Variants in STARD4 observed in about 807,000 individuals in gnomAD.
The protein encoded by STARD4 is StAR related lipid transfer domain containing 4, also known as stAR-related lipid transfer protein 4.
STARD4 carries 33 observed loss-of-function variants against 24.9 expected under a neutral mutation model. The ratio of observed to expected loss-of-function variants is 1.32; its 90% CI spans 1.00 to 1.77. STARD4 has a LOEUF of 1.77. Among genes scored for constraint, STARD4 ranks in the 40% most tolerant of loss-of-function variants. The pLI, the probability that STARD4 is intolerant of heterozygous loss-of-function variation, is 0.00. For synonymous variants in STARD4, 88 were observed against 77.4 expected (o/e 1.14, Z -0.72); for missense variants, 238 against 249.3 (o/e 0.95, Z 0.31).
intron 1 of STARD4, among the ~76,000 whole-genome samples, chr5:111,511,333 A>G (rs152877): frequency 0.16 from 24,488 of 152,190 alleles, 2,041 homozygotes; most frequent in African/African-American, 0.18. Context: ...AAAAAATAAC[A>G]ATAACATTTA....
chr5:111,500,282 C>A, intron 5 of STARD4, 176 bp from the exon 6 acceptor site: 2 of 1,340,726 alleles, frequency 1.5e-6, no homozygotes, highest in Non-Finnish European at 1.9e-6. Flanking sequence ...AGAATTCTGA[C>A]AAGAGGTTGG....
chr5:111,500,111 A>C lies in STARD4; in HGVS notation c.398-5T>G. ...CATCCCAGTCAAGACTTATTCCTAT[A>C]AGGCAATTTTTAAAATAGCACTATT... On this transcript the variant is annotated splice_region_variant and splice_polypyrimidine_tract_variant and intron_variant, in intron 5 of 5. Coordinates refer to ENST00000296632, the MANE Select transcript of STARD4 (RefSeq NM_139164.3). 6.3e-7 allele frequency: 1 copy of C among 1,587,622 alleles called. No individual in the cohort carries two copies.
At chr5:111,504,783 C>G (rs749370009) in intron 3 of STARD4, among the ~76,000 whole-genome samples, 38 of 152,148 alleles carry the variant, frequency 2.5e-4, no homozygotes, top group Non-Finnish European at 1.0e-4. Flanking sequence ...GGCTCTTCTT[C>G]TTCTCTTAAC....
chr5:111,501,864 T>C (rs1327025025), intron 4 of STARD4, 98 bp downstream of exon 4: 7 of 1,486,740 alleles, frequency 4.7e-6, no homozygotes, highest in African/African-American at 4.2e-5. Flanking sequence ...GCAATGAATA[T>C]AAGTGTGTAC....
chr5:111,507,422 C>G lies in STARD4; in HGVS notation c.12G>C (p.Leu4=). The part of the protein sequence containing the change: MEG[L]SDVASFATKL... ...TAGTTGCAAAAGAAGCAACATCAGA[C>G]AGGCCTTCCATTACTTCTCTCTGTT... is the stretch of plus-strand genomic sequence containing the variant. The change falls in exon 2 of 6, where the codon CTG becomes CTC. Residue 4 remains leucine (L), a synonymous_variant. Coordinates refer to ENST00000296632, the MANE Select transcript of STARD4 (RefSeq NM_139164.3). This position sits in a 1 kb window ranked among gnomAD's most constrained non-coding sequence, Gnocchi z 4.4. 6.2e-7 allele frequency: 1 copy of G among 1,613,390 alleles called. No homozygotes were observed. Among genetic ancestry groups the G allele is most frequent in the Admixed American group, 1.7e-5 (1 of 59,968 alleles).
chr5:111,509,541 C>T (rs1392237443), intron 1 of STARD4, among the ~76,000 whole-genome samples: 2 of 152,178 alleles, frequency 1.3e-5, no homozygotes, highest in East Asian at 3.9e-4. Flanking sequence ...ACTTATCTTT[C>T]CTGGATTCCC....
rs1756942364 is a variant in STARD4 at position 111,507,374 on chromosome 5, C to G, written c.60G>C (p.Gln20His). Reference sequence around the variant, plus strand: ...ACTTATCTTCTTCAATGCTATGGTACTGGATGAGAGTGTTTTTAAGTTTAG... The same window carrying G: ...ACTTATCTTCTTCAATGCTATGGTAGTGGATGAGAGTGTTTTTAAGTTTAG... ...FATKLKNTLI[Q>H]YHSIEEDKWR... Residue 20 changes from glutamine to histidine, a missense_variant, in exon 2 of 6, where the codon CAG becomes CAC. Coordinates refer to ENST00000296632, the MANE Select transcript of STARD4 (RefSeq NM_139164.3). This position sits in a 1 kb window ranked among gnomAD's most constrained non-coding sequence, Gnocchi z 4.4. The G allele has an allele frequency of 6.2e-7, 1 of 1,613,622 alleles. No individual in the cohort carries two copies. The highest frequency in any genetic ancestry group is 8.5e-7 in the Non-Finnish European group (1 of 1,179,808).
intron 1 of STARD4, among the ~76,000 whole-genome samples, chr5:111,509,638 T>G (rs1757103082): frequency 6.6e-6 from 1 of 152,150 alleles, no homozygotes; most frequent in South Asian, 2.1e-4. Flanking sequence ...CCCGTTTAAC[T>G]GTAAAATCTT....
intron 1 of STARD4, among the ~76,000 whole-genome samples, chr5:111,511,961 G>A (rs1038761399): frequency 3.9e-5 from 6 of 152,148 alleles, no homozygotes; most frequent in African/African-American, 1.4e-4. Flanking sequence ...GGTGGGACGC[G>A]GCTGCCCCTG....
chr5:111,510,031 T>C (rs1313763048), intron 1 of STARD4, among the ~76,000 whole-genome samples: 1 of 152,150 alleles, frequency 6.6e-6, no homozygotes, highest in East Asian at 1.9e-4. Flanking sequence ...ATTCTATTAA[T>C]AGCCTTTTTA....
chr5:111,500,770 C>A, intron 5 of STARD4: 2 of 1,432,402 alleles, frequency 1.4e-6, no homozygotes, highest in Non-Finnish European at 1.8e-6. Context: ...TCCACATTTG[C>A]TACCTCTGAC....
rs1014049014 is a variant in STARD4, at chr5:111,500,689, A to T, written c.397+313T>A. The stretch of plus-strand genomic sequence containing the variant: ...TAGTACTTCTCTGTGTATGACCAAG[A>T]AACTGTTTTCTGAGAGTGGCTTAGA... On this transcript the variant is annotated intron_variant, in intron 5 of 5. Coordinates refer to ENST00000296632, the MANE Select transcript of STARD4 (RefSeq NM_139164.3). The T allele has an allele frequency of 2.2e-6, 3 of 1,355,440 alleles. No homozygotes were observed. The African/African-American group carries it at 4.5e-5, about 20-fold the overall frequency. The allele number at this position is 1,355,440 out of a possible 1,614,324, so 84.0% of individuals were successfully genotyped here.
At chr5:111,506,885 A>T (rs1756901100) in intron 2 of STARD4, among the ~76,000 whole-genome samples, 1 of 152,222 alleles carries the variant, frequency 6.6e-6, no homozygotes, top group Non-Finnish European at 1.5e-5. Flanking sequence ...CCTGGGTTCT[A>T]GAATTAGTTC....
At chr5:111,503,084 C>G (rs1455581094) in intron 3 of STARD4, among the ~76,000 whole-genome samples, 1 of 152,026 alleles carries the variant, frequency 6.6e-6, no homozygotes, top group Admixed American at 6.5e-5. Flanking sequence ...TATTTTTACC[C>G]TGACTTTTTA....
In STARD4 at chr5:111,501,994, T is replaced by G; in HGVS notation, c.250A>C (p.Thr84Pro). Residue 84 changes from threonine to proline, a missense_variant, in exon 4 of 6, where the codon ACT becomes CCT. Coordinates refer to ENST00000296632, the MANE Select transcript of STARD4 (RefSeq NM_139164.3). Reference sequence around the variant, plus strand: ...AAGTTCTCCAGAATATCCAAAGAAGTCATCAAGCTGTCCCAATCCAAACGA... The same window carrying G: ...AAGTTCTCCAGAATATCCAAAGAAGGCATCAAGCTGTCCCAATCCAAACGA... ...PCRLDWDSLM[T>P]SLDILENFEE... is the part of the protein sequence containing the mutation. 1 of 1,614,092 alleles carries G rather than the reference T, an allele frequency of 6.2e-7. No individual in the cohort carries two copies.
chr5:111,504,602 CT>C (rs879633432), intron 3 of STARD4, among the ~76,000 whole-genome samples: 1 of 151,824 alleles, frequency 6.6e-6, no homozygotes, highest in Non-Finnish European at 1.5e-5. Context: ...CTATCAGTAC[CT>C]TTTTTTTAAA....
Position 111,499,654 on chromosome 5 carries a change from G to A in STARD4, c.*232C>T. ...GCTGTGATCATACCACTGCCCTCCA[G>A]CATGGGCAACAGAGTGAGAGCCTGT... On this transcript the variant is annotated 3_prime_UTR_variant, in exon 6 of 6. Coordinates refer to ENST00000296632, the MANE Select transcript of STARD4 (RefSeq NM_139164.3). 5.9e-6 allele frequency: 3 copies of A among 511,764 alleles called. No individual in the cohort carries two copies. Among genetic ancestry groups the A allele is most frequent in the Non-Finnish European group, 3.5e-6 (1 of 286,042 alleles). 31.7% of individuals were successfully genotyped at this position (511,764 alleles called of 1,614,324 possible).
At chr5:111,502,758 A>G (rs1756559362) in intron 3 of STARD4, among the ~76,000 whole-genome samples, 1 of 151,548 alleles carries the variant, frequency 6.6e-6, no homozygotes, top group Admixed American at 6.6e-5. Context: ...ACGCCATTGC[A>G]CTCCAGCCTG....
chr5:111,505,927 G>A (rs567562625), intron 3 of STARD4, among the ~76,000 whole-genome samples: 102 of 152,112 alleles, frequency 6.7e-4, no homozygotes, highest in Non-Finnish European at 1.3e-3. Flanking sequence ...ATCGCCAGGT[G>A]TGGTGGCTCA....
Sources: gnomAD v4.1 joint callset for allele counts (sites outside exome capture counted in the v4.1 genomes callset) on GRCh38, gnomAD v4.1.1 for gene constraint, Gnocchi (gnomAD v3.1) non-coding constraint, MANE v1.5 for transcripts, NCBI Gene and HGNC (gene_info 2026-07-23, HGNC 2026-07-21) for gene names.